Variants in IQUB observed in about 807,000 individuals in gnomAD.
IQUB encodes IQ motif and ubiquitin-like domain-containing protein.
A neutral mutation model predicts 86.4 loss-of-function variants in IQUB; 86 were observed. The ratio of observed to expected loss-of-function variants is 1.00; its 90% confidence interval spans 0.84 to 1.19. IQUB has a LOEUF of 1.19. Among genes scored for constraint, IQUB ranks in the 50% most tolerant of loss-of-function variants. The pLI is 0.00. For missense variants in IQUB, 946 were observed against 916.9 expected (o/e 1.03, Z -0.41); for synonymous variants, 289 against 304.5 (o/e 0.95, Z 0.53).
At position 123,471,486 on chromosome 7, in the gene IQUB, T is replaced by C. The variant is rs192867019; in HGVS notation, c.1411-2102A>G. Among the ~76,000 whole-genome samples, 6 of 152,294 alleles carry C rather than the reference T, an allele frequency of 3.9e-5. No individual in the cohort carries two copies. In the East Asian group the frequency reaches 1.2e-3, roughly 29 times the overall value. The stretch of plus-strand genomic sequence containing the variant: ...CTGTATTAAATGCAATTGCTTTTCT[T>C]CCAGTAATTTGGACAACACCTTTTG... On this transcript the variant is annotated intron_variant, in intron 8 of 12. Coordinates refer to ENST00000324698, the MANE Select transcript of IQUB (RefSeq NM_178827.5).
At chr7:123,478,449 A>G (rs189941376) in intron 8 of IQUB, among the ~76,000 whole-genome samples, 2 of 152,278 alleles carry the variant, frequency 1.3e-5, no homozygotes, top group African/African-American at 4.8e-5. Flanking sequence ...GAGGGATAGC[A>G]TTAGGAGAAA....
At chr7:123,466,142 C>T (rs866295305) in intron 9 of IQUB, among the ~76,000 whole-genome samples, 4 of 151,942 alleles carry the variant, frequency 2.6e-5, no homozygotes, top group African/African-American at 9.7e-5. Flanking sequence ...TTACAAATGA[C>T]AAAACTGATT....
intron 11 of IQUB, among the ~76,000 whole-genome samples, chr7:123,459,043 A>G (rs1793854078): frequency 6.6e-6 from 1 of 152,012 alleles, no homozygotes; most frequent in Admixed American, 6.6e-5. Context: ...AAATACTATT[A>G]CTGAAATAAA....
At chr7:123,526,984 T>G (rs1797249819) in intron 1 of IQUB, among the ~76,000 whole-genome samples, 1 of 152,182 alleles carries the variant, frequency 6.6e-6, no homozygotes, top group South Asian at 2.1e-4. Flanking sequence ...TATGAAATTC[T>G]GGGTTGAAAA....
At chr7:123,487,217 G>A (rs1795248386) in intron 7 of IQUB, among the ~76,000 whole-genome samples, 2 of 152,136 alleles carry the variant, frequency 1.3e-5, no homozygotes, top group African/African-American at 4.8e-5. Flanking sequence ...GGCCTCCCCA[G>A]CCATGGTTCC....
Position 123,479,686 on chromosome 7 carries a change from A to C in IQUB, c.1410+109T>G. ...TTAAGAAATATGTCATCAAAATCCT[A>C]AACAAAATTCATGTAAGTTCTTGCA... On this transcript the variant is annotated intron_variant, in intron 8 of 12. Coordinates refer to ENST00000324698, the MANE Select transcript of IQUB (RefSeq NM_178827.5). The C allele has an allele frequency of 3.7e-6, 3 of 807,280 alleles. No homozygotes were observed. The South Asian group carries it at 5.3e-5, about 14-fold the overall frequency. 50.0% of individuals were successfully genotyped at this position (807,280 alleles called of 1,614,324 possible). A position where few individuals can be genotyped will look rare whatever the true frequency, so the allele number is the denominator to read the frequency against.
In IQUB at chr7:123,511,969, T is replaced by C. The variant is rs1285713565; in HGVS notation, c.372A>G (p.Glu124=). Residue 124 remains glutamate, a synonymous_variant, in exon 2 of 13, where the codon GAA becomes GAG. Coordinates refer to ENST00000324698, the MANE Select transcript of IQUB (RefSeq NM_178827.5). ...KIKSVKESLQ[E]SVEDSLATVK... is the part of the protein sequence containing the mutation. ...CTGTTGCTAGAGAATCTTCCACTGA[T>C]TCTTGCAAAGATTCCTTTACAGACT... The C allele has an allele frequency of 1.2e-6, 2 of 1,607,908 alleles. No individual in the cohort carries two copies. The highest frequency in any genetic ancestry group is 2.7e-5 in the African/African-American group (2 of 74,778).
chr7:123,479,754 T>G (rs768899674), intron 8 of IQUB, 41 bp downstream of exon 8: 7 of 1,422,876 alleles, frequency 4.9e-6, no homozygotes, highest in Non-Finnish European at 6.8e-6. Flanking sequence ...ATTTTTTAAC[T>G]CAGAATACAT....
At position 123,468,012 on chromosome 7, in the gene IQUB, T is replaced by C. The variant is rs117825187; in HGVS notation, c.1581+1202A>G. ...CTTATAGAGGTAACTGACTCTGATC[T>C]TCAAAAGGCAATGGTGCAGTTATTA... On this transcript the variant is annotated intron_variant, in intron 9 of 12. Transcript: ENST00000324698. Among the ~76,000 whole-genome samples the C allele has an allele frequency of 4.2e-4, 64 of 152,340 alleles. No homozygotes were observed. In the East Asian group the frequency reaches 9.5e-3, roughly 23 times the overall value.
At chr7:123,510,878 C>T (rs1796385596) in intron 2 of IQUB, among the ~76,000 whole-genome samples, 1 of 152,042 alleles carries the variant, frequency 6.6e-6, no homozygotes, top group African/African-American at 2.4e-5. Context: ...TTAAAACTTT[C>T]ATAGTAGTGA....
intron 1 of IQUB, among the ~76,000 whole-genome samples, chr7:123,523,902 A>G (rs193059447): frequency 1.1e-3 from 171 of 152,272 alleles, no homozygotes; most frequent in African/African-American, 3.9e-3. Flanking sequence ...GAAGGGATCC[A>G]GTTTCAGCTT....
chr7:123,477,027 G>A (rs912612438), intron 8 of IQUB, among the ~76,000 whole-genome samples: 7 of 152,048 alleles, frequency 4.6e-5, no homozygotes, highest in South Asian at 2.1e-4. Flanking sequence ...GTAATTTATC[G>A]ATTCAATGCC....
At chr7:123,453,039 T>C in intron 12 of IQUB, 114 bp from the exon 13 acceptor site, 1 of 741,556 alleles carries the variant, frequency 1.3e-6, no homozygotes, top group Non-Finnish European at 2.1e-6. Flanking sequence ...AGACTACCTT[T>C]ATTTTTCTCA....
chr7:123,502,727 T>C lies in IQUB; in HGVS notation c.893A>G (p.Gln298Arg). The change falls in exon 6 of 13, where the codon CAA (glutamine) becomes CGA (arginine). Residue 298 changes from glutamine (Q) to arginine (R), a missense_variant. Transcript: ENST00000324698. ...TQTVFQKKNL[Q>R]QTTNTTSTQM... ...TGTGGATGTTGTATTTGTAGTTTGT[T>C]GGAGATTTTTTTTCTGAAAAACTGT... 1 of 1,604,048 alleles carries C rather than the reference T, an allele frequency of 6.2e-7. No homozygotes were observed. The highest frequency in any genetic ancestry group is 8.5e-7 in the Non-Finnish European group (1 of 1,176,840).
chr7:123,519,808 G>T (rs1374401137), intron 1 of IQUB, among the ~76,000 whole-genome samples: 1 of 152,108 alleles, frequency 6.6e-6, no homozygotes, highest in East Asian at 1.9e-4. Context: ...AATATTCCCA[G>T]AACAAAGAAA....
rs369026105 is a variant in IQUB at position 123,512,678 on chromosome 7, C to T, written c.-4-334G>A. On this transcript the variant is annotated intron_variant, in intron 1 of 12. Coordinates refer to ENST00000324698, the MANE Select transcript of IQUB (RefSeq NM_178827.5). ...TTTTTGAATTTCTTTTTTCTGAATA[C>T]GAAACTGATGGATGCTTCTAGCATT... 6.6e-5 allele frequency among the ~76,000 whole-genome samples: 10 copies of T among 152,108 alleles called. 1 individual carries two copies. Among genetic ancestry groups the T allele is most frequent in the Admixed American group, 1.3e-4 (2 of 15,286 alleles).
chr7:123,507,607 G>A (rs1368760811), intron 3 of IQUB, among the ~76,000 whole-genome samples: 2 of 152,096 alleles, frequency 1.3e-5, no homozygotes, highest in African/African-American at 4.8e-5. Context: ...AGGGCCAGGT[G>A]CAGTGGCTCA....
chr7:123,457,252 TAATCCA>T (rs1793741091), intron 12 of IQUB, 123 bp downstream of exon 12: 2 of 1,429,630 alleles, frequency 1.4e-6, no homozygotes, highest in Non-Finnish European at 1.8e-6. Context: ...TTTTTGTTGT[TAATCCA>T]TAAGTTCTGT....
At chr7:123,480,687 C>T (rs894295877) in intron 7 of IQUB, among the ~76,000 whole-genome samples, 4 of 152,070 alleles carry the variant, frequency 2.6e-5, no homozygotes, top group Non-Finnish European at 5.9e-5. Context: ...CCCAAGGACC[C>T]AAATTGATAT....
Sources: gnomAD v4.1 joint callset for allele counts (sites outside exome capture counted in the v4.1 genomes callset) on GRCh38, gnomAD v4.1.1 for gene constraint, MANE v1.5 for transcripts, NCBI Gene and HGNC (gene_info 2026-07-23, HGNC 2026-07-21) for gene names.